SH3BGRL2: variants seen among roughly 807,000 people sequenced by gnomAD.
SH3BGRL2 encodes SH3 domain binding glutamate rich protein like 2.
Under a neutral mutation model 14.8 loss-of-function variants are expected in SH3BGRL2, and 21 were observed. The observed-to-expected ratio is 1.42, with a 90% CI of 1.01 to 2.05. The LOEUF (loss-of-function observed/expected upper bound fraction) is 2.05, where lower values mean the gene tolerates loss of function less well. Among genes scored for constraint, SH3BGRL2 ranks in the 30% most tolerant of loss-of-function variants. The pLI is 0.00. For synonymous variants in SH3BGRL2, 50 were observed against 47.8 expected, an observed-to-expected ratio of 1.05 and a Z score of -0.19; for missense variants, 147 against 130.8, an observed-to-expected ratio of 1.12 and a Z score of -0.61.
the SH3BGRL2 span, among the ~76,000 whole-genome samples, chr6:79,618,816 G>A: frequency 6.7e-6 from 1 of 150,134 alleles, no homozygotes; most frequent in Non-Finnish European, 1.5e-5. Flanking sequence ...CTACTCGGGA[G>A]GCTGAGGCAG....
At chr6:79,617,097 A>C in the SH3BGRL2 span, among the ~76,000 whole-genome samples, 1 of 152,048 alleles carries the variant, frequency 6.6e-6, no homozygotes, top group African/African-American at 2.4e-5. Context: ...AGGGAGGAGA[A>C]TTGCTTGAAC....
the SH3BGRL2 span, among the ~76,000 whole-genome samples, chr6:79,589,190 C>CTA: frequency 2.4e-3 from 347 of 142,574 alleles, no homozygotes; most frequent in African/African-American, 6.1e-3. Context: ...TGAAATTATC[C>CTA]TATATATATA....
At chr6:79,688,912 T>C (rs1295219605) in intron 2 of SH3BGRL2, among the ~76,000 whole-genome samples, 1 of 151,898 alleles carries the variant, frequency 6.6e-6, no homozygotes. Flanking sequence ...TTATGTACTT[T>C]AGGATTCATC....
the SH3BGRL2 span, among the ~76,000 whole-genome samples, chr6:79,550,565 CA>C: frequency 3.9e-5 from 6 of 152,054 alleles, no homozygotes; most frequent in Non-Finnish European, 5.9e-5. Context: ...TTGACCTCAC[CA>C]ATCATGTCTG....
At chr6:79,618,527 G>A in the SH3BGRL2 span, among the ~76,000 whole-genome samples, 2 of 152,236 alleles carry the variant, frequency 1.3e-5, no homozygotes, top group South Asian at 2.1e-4. Flanking sequence ...CCAACATGGT[G>A]AAACCCCATC....
chr6:79,576,165 T>A, the SH3BGRL2 span, among the ~76,000 whole-genome samples: 2 of 152,166 alleles, frequency 1.3e-5, no homozygotes, highest in Non-Finnish European at 2.9e-5. Context: ...ATTACATATT[T>A]TTATTAAAAC....
the SH3BGRL2 span, among the ~76,000 whole-genome samples, chr6:79,586,693 T>G: frequency 1.3e-5 from 2 of 152,176 alleles, no homozygotes; most frequent in Non-Finnish European, 2.9e-5. Context: ...TTCTCTGCCC[T>G]TCTGTACTAA....
At chr6:79,647,792 G>A (rs983477830) in intron 1 of SH3BGRL2, among the ~76,000 whole-genome samples, 11 of 152,066 alleles carry the variant, frequency 7.2e-5, no homozygotes, top group South Asian at 2.1e-4. Context: ...AAAGTTAAAA[G>A]ACCTAAATAT....
the SH3BGRL2 span, among the ~76,000 whole-genome samples, chr6:79,612,794 T>G: frequency 6.6e-6 from 1 of 152,206 alleles, no homozygotes; most frequent in Non-Finnish European, 1.5e-5. Flanking sequence ...TGCTCAGTGT[T>G]TAGTATTTGC....
At chr6:79,617,020 T>C in the SH3BGRL2 span, among the ~76,000 whole-genome samples, 1 of 152,124 alleles carries the variant, frequency 6.6e-6, no homozygotes, top group Middle Eastern at 3.4e-3. Flanking sequence ...ACCTCATCTC[T>C]ACTAAAAATA....
At chr6:79,560,735 A>G in the SH3BGRL2 span, among the ~76,000 whole-genome samples, 3 of 152,216 alleles carry the variant, frequency 2.0e-5, no homozygotes, top group Non-Finnish European at 4.4e-5. Context: ...AGCAGAAAGT[A>G]CAACTCAAAA....
intron 2 of SH3BGRL2, among the ~76,000 whole-genome samples, chr6:79,678,434 G>A (rs560737155): frequency 6.6e-6 from 1 of 152,138 alleles, no homozygotes; most frequent in East Asian, 1.9e-4. Flanking sequence ...TATCTTCAAG[G>A]TTCATCCATG....
In SH3BGRL2 at chr6:79,666,705, C is replaced by G. The variant is rs180981077; in HGVS notation, c.46-6909C>G. Among the ~76,000 whole-genome samples, 51 of 152,244 alleles carry G rather than the reference C, an allele frequency of 3.3e-4. No individual in the cohort carries two copies. The East Asian group carries it at 8.5e-3, about 25-fold the overall frequency. ...AGTCCAGGCCCTCCTTTGTAAGTTT[C>G]GTCAAGCTGTTTTAAAAAAAACTTT... On this transcript the variant is annotated intron_variant, in intron 1 of 3. Transcript: ENST00000369838.
intron 1 of SH3BGRL2, among the ~76,000 whole-genome samples, chr6:79,656,933 A>C (rs1769431661): frequency 6.6e-6 from 1 of 152,214 alleles, no homozygotes; most frequent in African/African-American, 2.4e-5. Context: ...AACATACATG[A>C]GAAAATGGGA....
chr6:79,660,024 T>G (rs1352558002), intron 1 of SH3BGRL2, among the ~76,000 whole-genome samples: 1 of 152,222 alleles, frequency 6.6e-6, no homozygotes, highest in Non-Finnish European at 1.5e-5. Context: ...GCTTATCAGC[T>G]TAAGGAGATT....
At chr6:79,566,795 G>A in the SH3BGRL2 span, among the ~76,000 whole-genome samples, 1 of 151,528 alleles carries the variant, frequency 6.6e-6, no homozygotes, top group Non-Finnish European at 1.5e-5. Context: ...TACTCAAAAC[G>A]CTGAAGTGGA....
the SH3BGRL2 span, among the ~76,000 whole-genome samples, chr6:79,586,324 A>G: frequency 7.6e-5 from 11 of 143,898 alleles, no homozygotes; most frequent in African/African-American, 1.5e-4. Context: ...TCTTCTTCCA[A>G]TATGGACCAG....
the SH3BGRL2 span, among the ~76,000 whole-genome samples, chr6:79,598,636 G>A: frequency 3.3e-5 from 5 of 152,132 alleles, no homozygotes; most frequent in African/African-American, 1.2e-4. Context: ...GTACAGGGTT[G>A]CTCTTGGGGG....
Position 79,676,601 on chromosome 6 carries a change from A to ATG in SH3BGRL2, c.231+2804_231+2805dup, listed in dbSNP as rs1470702025. On this transcript the variant is annotated intron_variant, in intron 2 of 3. Transcript: ENST00000369838. ...TTGAATCTCCTAGCTTTATGTCTTT[A>ATG]TGTATGTGTGTGTGTGTGTGTGTGT... Among the ~76,000 whole-genome samples the ATG allele has an allele frequency of 4.8e-4, 55 of 114,498 alleles. No homozygotes were observed. The South Asian group carries it at 5.3e-3, about 11-fold the overall frequency. 75.1% of individuals were successfully genotyped at this position (114,498 alleles called of 152,430 possible).
Sources: allele counts gnomAD v4.1 joint callset (sites outside exome capture counted in the v4.1 genomes callset), GRCh38; gene constraint gnomAD v4.1.1; transcripts MANE v1.5; gene names NCBI Gene and HGNC (gene_info 2026-07-23, HGNC 2026-07-21).